Variants in RAB2A observed in about 807,000 individuals in gnomAD.
The protein encoded by RAB2A is RAB2A, member RAS oncogene family.
Under a neutral mutation model 32.5 loss-of-function variants are expected in RAB2A, and 7 were observed. That is an observed-to-expected ratio of 0.22 (90% CI 0.12 to 0.40). RAB2A has a LOEUF of 0.40. Ranked by LOEUF, RAB2A falls within the 10% of genes least tolerant of loss-of-function variation. The pLI is 1.00. For synonymous variants in RAB2A, 79 were observed against 85.2 expected (o/e 0.93, Z 0.40); for missense variants, 108 against 260.7 (o/e 0.41, Z 4.03).
At chr8:60,531,798 A>G (rs1586064566) in intron 1 of RAB2A, among the ~76,000 whole-genome samples, 1 of 129,726 alleles carries the variant, frequency 7.7e-6, no homozygotes. Flanking sequence ...TTCTACCTTG[A>G]TTTTTTTTTT....
intron 3 of RAB2A, among the ~76,000 whole-genome samples, chr8:60,574,931 A>G (rs1808247661): frequency 6.6e-6 from 1 of 152,178 alleles, no homozygotes; most frequent in African/African-American, 2.4e-5. Flanking sequence ...CATCCCAGAA[A>G]GAATTCGACC....
At position 60,572,061 on chromosome 8, in the gene RAB2A, C is replaced by T; in HGVS notation, c.134C>T (p.Ala45Val). 1 of 1,549,688 alleles carries T rather than the reference C, an allele frequency of 6.5e-7. No individual in the cohort carries two copies. Among genetic ancestry groups the T allele is most frequent in the Non-Finnish European group, 8.7e-7 (1 of 1,146,930 alleles). ...CTCTATTTAGGTGTAGAGTTCGGTG[C>T]TCGAATGATAACTATTGATGGGAAA... ...HDLTIGVEFG[A>V]RMITIDGKQI... is the part of the protein sequence containing the mutation. Residue 45 changes from alanine (A) to valine (V), a missense_variant, in exon 3 of 8, where the codon GCT becomes GTT. Ala to Val is a moderately conservative substitution (Grantham distance 64, BLOSUM62 0). Around this residue, in one of 4 missense-constraint regions of RAB2A, gnomAD observed 79 missense variants for 199.8 expected, o/e 0.40. Transcript: ENST00000262646.
At chr8:60,539,078 G>A (rs1807599374) in intron 1 of RAB2A, among the ~76,000 whole-genome samples, 1 of 152,118 alleles carries the variant, frequency 6.6e-6, no homozygotes, top group South Asian at 2.1e-4. Context: ...TGATAGAATA[G>A]TCTATTACTT....
intron 1 of RAB2A, 95 bp downstream of exon 1, chr8:60,517,348 C>CA (rs1807222186): frequency 8.6e-7 from 1 of 1,160,642 alleles, no homozygotes; most frequent in African/African-American, 1.6e-5. Flanking sequence ...ACGCGGACTC[C>CA]ACCCGGCGCC....
At chr8:60,573,219 G>A (rs1411323196) in intron 3 of RAB2A, among the ~76,000 whole-genome samples, 3 of 152,142 alleles carry the variant, frequency 2.0e-5, no homozygotes, top group Non-Finnish European at 2.9e-5. Context: ...AAACCTGAAA[G>A]GTCTCCTGTT....
chr8:60,563,615 A>G (rs1307657547), intron 2 of RAB2A, among the ~76,000 whole-genome samples: 1 of 151,346 alleles, frequency 6.6e-6, no homozygotes, highest in African/African-American at 2.4e-5. Flanking sequence ...TGCTTCAGCT[A>G]CTCCCTCCCA....
At chr8:60,582,730 C>T (rs1803782562) in intron 3 of RAB2A, among the ~76,000 whole-genome samples, 1 of 152,182 alleles carries the variant, frequency 6.6e-6, no homozygotes, top group African/African-American at 2.4e-5. Flanking sequence ...CCAGGCTGGT[C>T]TTAACCCATT....
chr8:60,610,693 G>A (rs961321664), intron 6 of RAB2A, among the ~76,000 whole-genome samples: 3 of 152,066 alleles, frequency 2.0e-5, no homozygotes, highest in East Asian at 1.9e-4. Context: ...CATCATCCCC[G>A]GAACTTCATA....
chr8:60,568,308 C>T (rs1251573361), intron 2 of RAB2A, among the ~76,000 whole-genome samples: 1 of 152,218 alleles, frequency 6.6e-6, no homozygotes, highest in African/African-American at 2.4e-5. Context: ...CCACATTCTG[C>T]CTCTGCACAT....
chr8:60,550,435 A>G (rs148958382), intron 1 of RAB2A, among the ~76,000 whole-genome samples: 905 of 151,966 alleles, frequency 6.0e-3, no homozygotes, highest in Non-Finnish European at 0.011. Flanking sequence ...TCCAGGCTGA[A>G]GTGCAGTGGT....
chr8:60,602,461 G>A (rs1804150169), intron 6 of RAB2A, among the ~76,000 whole-genome samples: 1 of 152,018 alleles, frequency 6.6e-6, no homozygotes, highest in Non-Finnish European at 1.5e-5. Flanking sequence ...AAGTAATATT[G>A]GAAAACAAGT....
chr8:60,592,585 T>C (rs1803960765), intron 6 of RAB2A, among the ~76,000 whole-genome samples: 1 of 152,234 alleles, frequency 6.6e-6, no homozygotes, highest in East Asian at 1.9e-4. Context: ...ATTCTATTAT[T>C]GCTGTGTAAC....
intron 1 of RAB2A, among the ~76,000 whole-genome samples, chr8:60,554,777 C>T (rs1447481465): frequency 2.0e-5 from 3 of 151,922 alleles, no homozygotes; most frequent in African/African-American, 4.8e-5. Context: ...TGCTTGAACC[C>T]GGAAGGCGGA....
chr8:60,539,916 A>G (rs1368822105), intron 1 of RAB2A, among the ~76,000 whole-genome samples: 2 of 152,016 alleles, frequency 1.3e-5, no homozygotes, highest in Admixed American at 1.3e-4. Context: ...TAACTTTAGT[A>G]TGGACCCTGT....
chr8:60,519,083 A>G (rs1807260147), intron 1 of RAB2A, among the ~76,000 whole-genome samples: 1 of 152,168 alleles, frequency 6.6e-6, no homozygotes, highest in Non-Finnish European at 1.5e-5. Context: ...ACGCAATTCA[A>G]AGGGAAGACA....
chr8:60,547,468 C>T lies in RAB2A; in HGVS notation c.47-11384C>T, dbSNP rs540583204. The stretch of plus-strand genomic sequence containing the variant: ...GAGGGGCTCCTCACTTCCCAGTAGG[C>T]GCGGCCGGGCAGAGGCGCCCCTCAC... On this transcript the variant is annotated intron_variant, in intron 1 of 7. Coordinates refer to ENST00000262646, the MANE Select transcript of RAB2A (RefSeq NM_002865.3). Among the ~76,000 whole-genome samples, 40 of 145,412 alleles carry T rather than the reference C, an allele frequency of 2.8e-4. 1 individual carries two copies. The East Asian group carries it at 7.9e-3, about 29-fold the overall frequency.
intron 2 of RAB2A, among the ~76,000 whole-genome samples, chr8:60,564,099 C>A (rs1808067147): frequency 6.6e-6 from 1 of 152,166 alleles, no homozygotes; most frequent in Non-Finnish European, 1.5e-5. Flanking sequence ...ATTATATTCA[C>A]CCTTTAGTTT....
intron 1 of RAB2A, among the ~76,000 whole-genome samples, chr8:60,555,381 G>A (rs1343070585): frequency 3.3e-5 from 5 of 151,906 alleles, no homozygotes; most frequent in African/African-American, 1.2e-4. Flanking sequence ...TAGACAAATG[G>A]GATTATATCA....
chr8:60,549,036 A>T (rs1440055610), intron 1 of RAB2A, among the ~76,000 whole-genome samples: 10 of 146,290 alleles, frequency 6.8e-5, no homozygotes, highest in Non-Finnish European at 1.0e-4. Context: ...CACATCTCAG[A>T]CGATGGGCGG....
Sources: gnomAD v4.1 joint callset for allele counts (sites outside exome capture counted in the v4.1 genomes callset) on GRCh38, gnomAD v4.1.1 for gene constraint, gnomAD v4.1.1 regional missense constraint, MANE v1.5 for transcripts, NCBI Gene and HGNC (gene_info 2026-07-23, HGNC 2026-07-21) for gene names.